Variants in ZFHX3 observed in about 807,000 individuals in gnomAD.
ZFHX3 encodes the protein zinc finger homeobox 3.
Under a neutral mutation model 279.1 loss-of-function variants are expected in ZFHX3, and 42 were observed. The ratio of observed to expected loss-of-function variants is 0.15; its 90% confidence interval spans 0.12 to 0.19. ZFHX3 has a LOEUF of 0.19. Among genes scored for constraint, ZFHX3 ranks in the 10% least tolerant of loss-of-function variants. The pLI is 1.00. For synonymous variants in ZFHX3, 2,293 were observed against 1,957.8 expected (o/e 1.17, Z -4.52); for missense variants, 4,981 against 4,754.0 (o/e 1.05, Z -1.40).
chr16:73,081,988 C>T (rs1965952149), intron 8 of ZFHX3, among the ~76,000 whole-genome samples: 1 of 151,536 alleles, frequency 6.6e-6, no homozygotes, highest in Admixed American at 6.6e-5. Context: ...AGGTGTGTAC[C>T]ACCACACCCA....
intron 4 of ZFHX3, among the ~76,000 whole-genome samples, chr16:72,850,011 G>A (rs72793299): frequency 0.11 from 16,870 of 152,082 alleles, 1,268 homozygotes; most frequent in South Asian, 0.15. Flanking sequence ...AGGTGGGAAC[G>A]GTCGGGGGAC....
intron 7 of ZFHX3, among the ~76,000 whole-genome samples, chr16:73,129,665 C>T (rs1043389262): frequency 1.1e-4 from 16 of 151,032 alleles, no homozygotes; most frequent in East Asian, 7.8e-4. Flanking sequence ...TGTATGTGTG[C>T]CCACGCCTGT....
intron 3 of ZFHX3, chr16:73,400,330 T>C (rs1355302477): frequency 6.6e-6 from 1 of 151,888 alleles, no homozygotes; most frequent in African/African-American, 2.4e-5. Context: ...TGTGTGTACA[T>C]GAGCTATTGG....
intron 2 of ZFHX3, among the ~76,000 whole-genome samples, chr16:73,583,531 G>A (rs966639308): frequency 9.2e-5 from 14 of 152,136 alleles, no homozygotes; most frequent in Non-Finnish European, 1.3e-4. Flanking sequence ...CACATAATTT[G>A]GGATCATCAA....
chr16:73,689,783 C>G (rs2053128001), intron 1 of ZFHX3, among the ~76,000 whole-genome samples: 1 of 152,136 alleles, frequency 6.6e-6, no homozygotes, highest in South Asian at 2.1e-4. Flanking sequence ...GCAAAGCTTA[C>G]CCAGCTCTGA....
chr16:73,568,691 T>C (rs705894), intron 2 of ZFHX3, among the ~76,000 whole-genome samples: 76,446 of 152,082 alleles, frequency 0.5, 20,233 homozygotes, highest in Non-Finnish European at 0.59. Flanking sequence ...ATTGCCATTG[T>C]GCGAGGCTGC....
intron 2 of ZFHX3, among the ~76,000 whole-genome samples, chr16:73,642,288 T>C (rs745307049): frequency 4.6e-5 from 7 of 152,186 alleles, no homozygotes; most frequent in East Asian, 1.9e-4. Context: ...AGATGGAGCC[T>C]CTCCTCTGCA....
At chr16:73,444,968 A>G (rs928292101) in intron 3 of ZFHX3, among the ~76,000 whole-genome samples, 7 of 150,548 alleles carry the variant, frequency 4.6e-5, no homozygotes, top group Non-Finnish European at 1.0e-4. Context: ...AAAAAAAAAA[A>G]AAAAAAAAAA....
At chr16:72,992,937 G>C (rs1006307953) in intron 1 of ZFHX3, among the ~76,000 whole-genome samples, 8 of 152,258 alleles carry the variant, frequency 5.3e-5, no homozygotes, top group Non-Finnish European at 1.0e-4. Flanking sequence ...AGGAGTTTGA[G>C]ACCAGCCTGG....
chr16:73,405,137 C>T (rs1426061875), intron 3 of ZFHX3, among the ~76,000 whole-genome samples: 1 of 152,100 alleles, frequency 6.6e-6, no homozygotes, highest in Non-Finnish European at 1.5e-5. Flanking sequence ...TCATTACAAC[C>T]ATCAGTGTTG....
intron 3 of ZFHX3, among the ~76,000 whole-genome samples, chr16:73,451,854 C>T (rs1161005577): frequency 6.6e-6 from 1 of 152,162 alleles, no homozygotes; most frequent in Non-Finnish European, 1.5e-5. Flanking sequence ...GAGAACTGTT[C>T]CATGTGATAA....
At chr16:73,866,392 G>A (rs892401135) in intron 1 of ZFHX3, among the ~76,000 whole-genome samples, 1 of 151,496 alleles carries the variant, frequency 6.6e-6, no homozygotes, top group African/African-American at 2.4e-5. Flanking sequence ...TTGCCCTGGT[G>A]GGTCTTGAAC....
intron 3 of ZFHX3, among the ~76,000 whole-genome samples, chr16:73,410,648 T>A (rs942740775): frequency 6.6e-6 from 1 of 151,728 alleles, no homozygotes; most frequent in Non-Finnish European, 1.5e-5. Context: ...CCCAGATGAG[T>A]GCTGTCCCAT....
intron 1 of ZFHX3, among the ~76,000 whole-genome samples, chr16:73,053,265 C>T (rs2144729887): frequency 6.6e-6 from 1 of 152,138 alleles, no homozygotes; most frequent in African/African-American, 2.4e-5. Context: ...TTTTTAGTGA[C>T]ACCAGAACGG....
At chr16:73,306,833 G>A (rs183311378) in intron 4 of ZFHX3, among the ~76,000 whole-genome samples, 1 of 152,318 alleles carries the variant, frequency 6.6e-6, no homozygotes, top group African/African-American at 2.4e-5. Context: ...TCTACCCACA[G>A]CCAATGCTAC....
chr16:73,147,269 G>A (rs1966867875), intron 5 of ZFHX3, among the ~76,000 whole-genome samples: 1 of 152,140 alleles, frequency 6.6e-6, no homozygotes, highest in East Asian at 1.9e-4. Context: ...GATGAATTTG[G>A]ATGTAGAACT....
intron 2 of ZFHX3, among the ~76,000 whole-genome samples, chr16:73,552,526 T>C (rs1344830995): frequency 6.6e-6 from 1 of 152,158 alleles, no homozygotes; most frequent in East Asian, 1.9e-4. Context: ...TTTAAAACAG[T>C]TAGAAACTGC....
At chr16:73,156,654 C>T (rs1484211283) in intron 5 of ZFHX3, among the ~76,000 whole-genome samples, 1 of 152,118 alleles carries the variant, frequency 6.6e-6, no homozygotes, top group Non-Finnish European at 1.5e-5. Flanking sequence ...CTCCTGGGTT[C>T]AAGTGATCCT....
intron 5 of ZFHX3, among the ~76,000 whole-genome samples, chr16:73,151,008 T>C (rs73595211): frequency 0.024 from 3,655 of 152,004 alleles, 133 homozygotes; most frequent in African/African-American, 0.082. Context: ...TATTTGGCAA[T>C]AAAAAGGAAT....
Sources: allele counts gnomAD v4.1 joint callset (sites outside exome capture counted in the v4.1 genomes callset), GRCh38; gene constraint gnomAD v4.1.1; transcripts MANE v1.5; gene names NCBI Gene and HGNC (gene_info 2026-07-23, HGNC 2026-07-21).